DICER1: variants seen among roughly 807,000 people sequenced by gnomAD.
The protein encoded by DICER1 is dicer 1, ribonuclease III, also known as endoribonuclease Dicer.
A neutral mutation model predicts 194.1 loss-of-function variants in DICER1; 43 were observed. That is an observed-to-expected ratio of 0.22 (90% CI 0.17 to 0.29). The LOEUF (loss-of-function observed/expected upper bound fraction) is 0.29. Ranked by LOEUF, DICER1 falls within the 10% of genes least tolerant of loss-of-function variation. The pLI, the probability that DICER1 is intolerant of heterozygous loss-of-function variation, is 1.00. For synonymous variants in DICER1, 832 were observed against 820.5 expected (o/e 1.01, Z -0.24); for missense variants, 1,608 against 2,317.0 (o/e 0.69, Z 6.28).
chr14:95,105,017 T>C lies in DICER1; in HGVS notation c.3269+54A>G. 6.5e-7 allele frequency: 1 copy of C among 1,545,534 alleles called. No individual in the cohort carries two copies. The highest frequency in any genetic ancestry group is 8.9e-7 in the Non-Finnish European group (1 of 1,119,752). On this transcript the variant is annotated intron_variant, in intron 20 of 26. Coordinates refer to ENST00000343455, the MANE Select transcript of DICER1 (RefSeq NM_177438.3). This position sits in a 1 kb window ranked among gnomAD's most constrained non-coding sequence, Gnocchi z 4.9. Reference sequence around the variant, plus strand: ...ACAATTTTAACTTAATTCTGTTCTTTTGCAAACAGGATCTCATGATCTGTG... The same window carrying C: ...ACAATTTTAACTTAATTCTGTTCTTCTGCAAACAGGATCTCATGATCTGTG...
At chr14:95,092,159 G>C (rs1889903101) in intron 24 of DICER1, among the ~76,000 whole-genome samples, 1 of 152,110 alleles carries the variant, frequency 6.6e-6, no homozygotes, top group African/African-American at 2.4e-5. Flanking sequence ...TGTGGCCCCT[G>C]AGCATCACGA....
intron 13 of DICER1, 112 bp from the exon 14 acceptor site, chr14:95,111,568 G>T: frequency 8.5e-7 from 1 of 1,172,888 alleles, no homozygotes; most frequent in Non-Finnish European, 1.3e-6. Context: ...GGAAACTAAA[G>T]CACCTTTGCC....
intron 1 of DICER1, among the ~76,000 whole-genome samples, chr14:95,146,897 G>A (rs945463347): frequency 6.6e-6 from 1 of 151,976 alleles, no homozygotes; most frequent in Admixed American, 6.5e-5. Context: ...CTAAAGGAAA[G>A]GAAAAAGGGA....
At chr14:95,153,546 A>G (rs1328285756) in intron 1 of DICER1, among the ~76,000 whole-genome samples, 2 of 152,206 alleles carry the variant, frequency 1.3e-5, no homozygotes, top group Non-Finnish European at 2.9e-5. Flanking sequence ...GTAATAATCC[A>G]AAAGATTGAT....
In DICER1 at chr14:95,103,605, G is replaced by A. The variant is rs139346443; in HGVS notation, c.3791C>T (p.Thr1264Met). ...CTTGAGCACTTGAATAGTGTCTGTC[G>A]TACCAGGCATTACGGCCATCACAGG... is the stretch of plus-strand genomic sequence containing the variant. ...GSPVMAVMPG[T>M]TDTIQVLKGR... The change falls in exon 21 of 27, where the codon ACG becomes ATG. Residue 1264 changes from threonine to methionine, a missense_variant. By Grantham distance (81) the Thr-to-Met change is moderately conservative (BLOSUM62 -1). This residue lies in a region of DICER1 where 222 missense variants were observed against 215.5 expected (regional missense o/e 1.03). Transcript: ENST00000343455. The A allele has an allele frequency of 2.7e-5, 44 of 1,614,164 alleles. No individual in the cohort carries two copies. Among genetic ancestry groups the A allele is most frequent in the African/African-American group, 1.3e-4 (10 of 75,044 alleles).
At chr14:95,138,741 C>G (rs905853771) in intron 1 of DICER1, among the ~76,000 whole-genome samples, 1 of 145,770 alleles carries the variant, frequency 6.9e-6, no homozygotes, top group African/African-American at 2.6e-5. Context: ...ACCGCATATT[C>G]TCACTCATAG....
intron 23 of DICER1, 93 bp downstream of exon 23, chr14:95,095,732 T>C (rs767017558): frequency 4.5e-6 from 6 of 1,319,004 alleles, no homozygotes; most frequent in Non-Finnish European, 6.5e-6. Context: ...ATGAACACTG[T>C]ACATGCATAG....
chr14:95,144,358 G>A (rs1164365652), intron 1 of DICER1, among the ~76,000 whole-genome samples: 1 of 151,262 alleles, frequency 6.6e-6, no homozygotes, highest in African/African-American at 2.4e-5. Flanking sequence ...TTATCTTAAT[G>A]CCAGCAAGCA....
At chr14:95,108,977 ACT>A (rs1261098427) in intron 14 of DICER1, among the ~76,000 whole-genome samples, 6 of 152,030 alleles carry the variant, frequency 3.9e-5, no homozygotes, top group African/African-American at 7.3e-5. Context: ...TAATTCCTAG[ACT>A]CTTTTTCTAT....
intron 6 of DICER1, among the ~76,000 whole-genome samples, chr14:95,128,400 C>A (rs1201714294): frequency 6.6e-6 from 1 of 152,206 alleles, no homozygotes; most frequent in African/African-American, 2.4e-5. Flanking sequence ...AGCACAAGCA[C>A]GGCCTTCTAC....
At chr14:95,112,931 G>A (rs939470103) in intron 12 of DICER1, among the ~76,000 whole-genome samples, 161 bp downstream of exon 12, 1 of 152,074 alleles carries the variant, frequency 6.6e-6, no homozygotes, top group Non-Finnish European at 1.5e-5. Context: ...AAGTAAATTT[G>A]GTTTTTATTT....
intron 1 of DICER1, among the ~76,000 whole-genome samples, chr14:95,145,512 T>A (rs1160070338): frequency 1.3e-5 from 2 of 152,146 alleles, no homozygotes; most frequent in African/African-American, 4.8e-5. Flanking sequence ...CAAGAAATAG[T>A]AATAATCATG....
chr14:95,100,050 G>A, intron 21 of DICER1, 115 bp from the exon 22 acceptor site: 1 of 1,126,404 alleles, frequency 8.9e-7, no homozygotes, highest in Non-Finnish European at 1.3e-6. Context: ...TTAATTATAT[G>A]TCATCAATTA....
In DICER1 at chr14:95,107,661, T is replaced by C. The variant is rs1891557335; in HGVS notation, c.2751A>G (p.Glu917=). ...IGIPSTKYTK[E]TPFVFKLEDY... The stretch of plus-strand genomic sequence containing the variant: ...CTTCTAATTTAAAAACAAAGGGTGT[T>C]TCTTTTGTATACTTTGTACTGGGAA... The change falls in exon 17 of 27, where the codon GAA becomes GAG. Residue 917 remains glutamate, a synonymous_variant. Coordinates refer to ENST00000343455, the MANE Select transcript of DICER1 (RefSeq NM_177438.3). 1.9e-6 allele frequency: 3 copies of C among 1,613,336 alleles called. No homozygotes were observed. Among genetic ancestry groups the C allele is most frequent in the Non-Finnish European group, 1.7e-6 (2 of 1,179,352 alleles).
chr14:95,150,019 A>T (rs1253445465), intron 1 of DICER1, among the ~76,000 whole-genome samples: 1 of 152,248 alleles, frequency 6.6e-6, no homozygotes, highest in Admixed American at 6.5e-5. Flanking sequence ...TAGTTTTCTC[A>T]GTTAACTTCC....
intron 1 of DICER1, among the ~76,000 whole-genome samples, chr14:95,144,825 T>C (rs1353805759): frequency 6.6e-6 from 1 of 152,212 alleles, no homozygotes; most frequent in Non-Finnish European, 1.5e-5. Flanking sequence ...AAAAGTTCTA[T>C]GCCTTCCCTT....
rs907041876 is a variant in DICER1 at position 95,113,339 on chromosome 14, A to G, written c.1908-115T>C. 1.5e-5 allele frequency: 16 copies of G among 1,040,426 alleles called. No homozygotes were observed. The African/African-American group carries it at 2.2e-4, about 14-fold the overall frequency. 64.4% of individuals were successfully genotyped at this position (1,040,426 alleles called of 1,614,324 possible). On this transcript the variant is annotated intron_variant, in intron 11 of 26. Coordinates refer to ENST00000343455, the MANE Select transcript of DICER1 (RefSeq NM_177438.3). ...TCCCCTCTACTGAATTTGTATTTATATGTGGCATTTAAACTTTACTGCTTC... is the reference window on the plus strand; with the variant it reads ...TCCCCTCTACTGAATTTGTATTTATGTGTGGCATTTAAACTTTACTGCTTC...
chr14:95,091,224 G>T lies in DICER1; in HGVS notation c.5506C>A (p.Pro1836Thr), dbSNP rs1595314254. 6.2e-7 allele frequency: 1 copy of T among 1,614,092 alleles called. No homozygotes were observed. Among genetic ancestry groups the T allele is most frequent in the Non-Finnish European group, 8.5e-7 (1 of 1,180,022 alleles). The change falls in exon 25 of 27, where the codon CCC becomes ACC. Residue 1836 changes from proline to threonine, a missense_variant. Physicochemically the swap from Pro to Thr is conservative, Grantham distance 38. This residue lies in a region of DICER1 where 138 missense variants were observed against 298.3 expected (regional missense o/e 0.46). Transcript: ENST00000343455. ...ATACCTATTAGTGGCCGCATCATGG[G>T]ATAGTACACCTGCCAGACTGTCTCC... is the stretch of plus-strand genomic sequence containing the variant. ...SLETVWQVYY[P>T]MMRPLIEKFS... is the part of the protein sequence containing the mutation.
Position 95,137,413 on chromosome 14 carries a change from AAG to A in DICER1, c.-45-3912_-45-3911del, listed in dbSNP as rs557194339. On this transcript the variant is annotated intron_variant, in intron 1 of 26. Coordinates refer to ENST00000343455, the MANE Select transcript of DICER1 (RefSeq NM_177438.3). ...AAGGTAAAGGGGAAAGGGAAAGAAAAAGGGGAAGGGAATAAGAGGAAGGAAAA... is the reference window on the plus strand; with the variant it reads ...AAGGTAAAGGGGAAAGGGAAAGAAAAGGGAAGGGAATAAGAGGAAGGAAAA... Among the ~76,000 whole-genome samples the A allele has an allele frequency of 1.1e-3, 159 of 141,952 alleles. 1 individual carries two copies. The highest frequency in any genetic ancestry group is 3.9e-3 in the African/African-American group (151 of 38,446). 93.1% of individuals were successfully genotyped at this position (141,952 alleles called of 152,430 possible). A position where few individuals can be genotyped will look rare whatever the true frequency, so the allele number is the denominator to read the frequency against.
Sources: allele counts gnomAD v4.1 joint callset (sites outside exome capture counted in the v4.1 genomes callset), GRCh38; gene constraint gnomAD v4.1.1; regional missense constraint gnomAD v4.1.1; non-coding constraint Gnocchi (gnomAD v3.1); transcripts MANE v1.5; gene names NCBI Gene and HGNC (gene_info 2026-07-23, HGNC 2026-07-21).